The following ROBO2 variants were observed in gnomAD, a reference collection of about 807,000 sequenced individuals.
ROBO2 encodes roundabout guidance receptor 2, also known as roundabout homolog 2.
ROBO2 carries 53 observed loss-of-function variants against 160.8 expected under a neutral mutation model. That is an observed-to-expected ratio of 0.33 (90% CI 0.26 to 0.41). The LOEUF (loss-of-function observed/expected upper bound fraction) is 0.41. Ranked by LOEUF, ROBO2 falls within the 10% of genes least tolerant of loss-of-function variation. The probability of loss-of-function intolerance (pLI) is 1.00; values close to 1 mark genes in which losing one functional copy is unlikely to be tolerated. For synonymous variants in ROBO2, 664 were observed against 611.7 expected, an observed-to-expected ratio of 1.09 and a Z score of -1.26; for missense variants, 1,577 against 1,722.4, an observed-to-expected ratio of 0.92 and a Z score of 1.49.
In ROBO2 at chr3:76,392,684, A is replaced by G. The variant is rs555558471; in HGVS notation, c.109+455082A>G. 3.3e-5 allele frequency among the ~76,000 whole-genome samples: 5 copies of G among 152,320 alleles called. No homozygotes were observed. The South Asian group carries it at 1.0e-3, about 32-fold the overall frequency. The stretch of plus-strand genomic sequence containing the variant: ...TTTTTCTCATCATGAAACAATAAAG[A>G]ATAATAGTCATTTTTTGTTTTATAG... On this transcript the variant is annotated intron_variant, in intron 2 of 26. Coordinates refer to the ROBO2 transcript ENST00000487694.
intron 2 of ROBO2, among the ~76,000 whole-genome samples, chr3:77,276,279 T>C (rs531267376): frequency 6.6e-5 from 10 of 152,134 alleles, no homozygotes; most frequent in Non-Finnish European, 1.3e-4. Context: ...CTGAACCACT[T>C]TCCATTACTG....
intron 2 of ROBO2, among the ~76,000 whole-genome samples, chr3:77,116,122 G>A (rs552958801): frequency 3.9e-5 from 6 of 152,326 alleles, no homozygotes; most frequent in South Asian, 4.1e-4. Flanking sequence ...GCACCTCCAC[G>A]AATCCTGTTG....
At chr3:75,994,726 T>C in intron 2 of ROBO2, among the ~76,000 whole-genome samples, 1 of 152,190 alleles carries the variant, frequency 6.6e-6, no homozygotes, top group East Asian at 1.9e-4. Flanking sequence ...CCTGAAAATG[T>C]GGAAGCAGCT....
intron 2 of ROBO2, among the ~76,000 whole-genome samples, chr3:76,308,660 T>C (rs894870505): frequency 6.6e-6 from 1 of 152,140 alleles, no homozygotes; most frequent in African/African-American, 2.4e-5. Flanking sequence ...ACTATTTCCA[T>C]ATGAGGAGGC....
chr3:76,232,200 T>C (rs1241249683), intron 2 of ROBO2, among the ~76,000 whole-genome samples: 2 of 152,098 alleles, frequency 1.3e-5, no homozygotes, highest in African/African-American at 4.8e-5. Context: ...ATCAGCAAAA[T>C]ACTAAAGAAG....
chr3:77,313,104 A>T (rs150651190), intron 2 of ROBO2, among the ~76,000 whole-genome samples: 2 of 152,356 alleles, frequency 1.3e-5, no homozygotes, highest in Admixed American at 1.3e-4. Context: ...TAGGTTAAAC[A>T]TTAAAGGAAC....
intron 21 of ROBO2, among the ~76,000 whole-genome samples, chr3:77,610,128 C>T (rs1047978102): frequency 5.9e-5 from 9 of 151,508 alleles, no homozygotes; most frequent in East Asian, 1.9e-4. Context: ...ATTTTCTAAT[C>T]GGTAAACCAT....
At chr3:76,328,909 TA>T (rs200186242) in intron 2 of ROBO2, among the ~76,000 whole-genome samples, 9,104 of 35,630 alleles carry the variant, frequency 0.26, 799 homozygotes, top group African/African-American at 0.51. Context: ...TTTATGTTAT[TA>T]TATATATATA....
chr3:77,329,052 G>T (rs1402342125), intron 2 of ROBO2, among the ~76,000 whole-genome samples: 10 of 152,196 alleles, frequency 6.6e-5, no homozygotes, highest in African/African-American at 2.4e-4. Flanking sequence ...CTGATGTGTT[G>T]ATCCAAGTCT....
At chr3:77,054,923 C>CGTGTGT (rs1426385625) in intron 1 of ROBO2, among the ~76,000 whole-genome samples, 215 of 58,804 alleles carry the variant, frequency 3.7e-3, no homozygotes, top group African/African-American at 0.011. Flanking sequence ...CAAAATCTCG[C>CGTGTGT]GTGTATGTGT....
intron 2 of ROBO2, among the ~76,000 whole-genome samples, chr3:77,207,053 A>G (rs2083533479): frequency 1.3e-5 from 2 of 152,250 alleles, no homozygotes; most frequent in Admixed American, 1.3e-4. Context: ...CTACAAATAA[A>G]GAATATAGTT....
At chr3:76,605,779 T>G (rs1269300558) in intron 2 of ROBO2, among the ~76,000 whole-genome samples, 1 of 152,040 alleles carries the variant, frequency 6.6e-6, no homozygotes, top group Non-Finnish European at 1.5e-5. Context: ...GACTATCATA[T>G]TTATGTATAG....
chr3:77,496,020 A>G (rs571312495), intron 5 of ROBO2, among the ~76,000 whole-genome samples: 1 of 152,332 alleles, frequency 6.6e-6, no homozygotes, highest in East Asian at 1.9e-4. Context: ...ATACATATAA[A>G]TCAAACAACA....
chr3:76,112,790 A>G (rs779569199), intron 2 of ROBO2, among the ~76,000 whole-genome samples: 2 of 152,078 alleles, frequency 1.3e-5, no homozygotes, highest in Non-Finnish European at 2.9e-5. Flanking sequence ...ATGTTTTTCT[A>G]ATTTTATAAT....
chr3:76,905,644 C>A (rs1021361446), intron 2 of ROBO2, among the ~76,000 whole-genome samples: 1 of 152,222 alleles, frequency 6.6e-6, no homozygotes, highest in Non-Finnish European at 1.5e-5. Flanking sequence ...TATCCCTTAT[C>A]CTTTCCACCA....
intron 2 of ROBO2, among the ~76,000 whole-genome samples, chr3:77,122,985 G>T (rs903468415): frequency 6.6e-6 from 1 of 152,010 alleles, no homozygotes; most frequent in Admixed American, 6.6e-5. Flanking sequence ...GCAAAGAACT[G>T]TTTGATCAAA....
chr3:76,791,745 G>T (rs1487963833), intron 2 of ROBO2, among the ~76,000 whole-genome samples: 1 of 151,520 alleles, frequency 6.6e-6, no homozygotes, highest in Non-Finnish European at 1.5e-5. Flanking sequence ...ATAAATTTGG[G>T]GTGCAATCAG....
chr3:76,793,614 T>C (rs1353270356), intron 2 of ROBO2, among the ~76,000 whole-genome samples: 1 of 151,900 alleles, frequency 6.6e-6, no homozygotes, highest in Non-Finnish European at 1.5e-5. Context: ...TTATTATTAT[T>C]ATACTGTAAG....
At chr3:76,249,973 G>A (rs1262992830) in intron 2 of ROBO2, among the ~76,000 whole-genome samples, 1 of 152,036 alleles carries the variant, frequency 6.6e-6, no homozygotes, top group Non-Finnish European at 1.5e-5. Context: ...GTTAAGGTAT[G>A]TTGTAAGTTT....
Sources: allele counts gnomAD v4.1 joint callset (sites outside exome capture counted in the v4.1 genomes callset), GRCh38; gene constraint gnomAD v4.1.1; transcripts MANE v1.5; gene names NCBI Gene and HGNC (gene_info 2026-07-23, HGNC 2026-07-21).